SCN3A: variants seen among roughly 807,000 people sequenced by gnomAD.
SCN3A encodes the protein sodium channel protein type 3 subunit alpha.
A neutral mutation model predicts 187.6 loss-of-function variants in SCN3A; 60 were observed. The observed-to-expected ratio is 0.32, with a 90% CI of 0.26 to 0.40. The LOEUF (loss-of-function observed/expected upper bound fraction) is 0.40, where lower values mean the gene tolerates loss of function less well. SCN3A is among the 10% of genes least tolerant of loss of function. SCN3A has a pLI of 1.00. For missense variants in SCN3A, 1,601 were observed against 2,428.2 expected, an observed-to-expected ratio of 0.66 and a Z score of 7.16; for synonymous variants, 788 against 829.2, an observed-to-expected ratio of 0.95 and a Z score of 0.85.
At position 165,127,888 on chromosome 2, in the gene SCN3A, C is replaced by G. The variant is rs866100744; in HGVS notation, c.3136G>C (p.Asp1046His). 1 of 1,614,014 alleles carries G rather than the reference C, an allele frequency of 6.2e-7. No individual in the cohort carries two copies. Among genetic ancestry groups the G allele is most frequent in the African/African-American group, 1.3e-5 (1 of 74,938 alleles). ...VIEIHEGNKI[D>H]SCMSNNTGIE... ...CCAGTATTATTGGACATGCAGCTGT[C>G]TATCTTATTGCCTTCATGGATTTCT... Residue 1046 changes from aspartate to histidine, a missense_variant, in exon 18 of 28, where the codon GAC becomes CAC. This residue lies in a region of SCN3A where 267 missense variants were observed against 313.2 expected (regional missense o/e 0.85). Transcript: ENST00000283254.
intron 20 of SCN3A, among the ~76,000 whole-genome samples, chr2:165,113,492 A>G (rs560811874): frequency 4.6e-5 from 7 of 152,328 alleles, no homozygotes; most frequent in East Asian, 1.9e-4. Context: ...CTTTTAGTCC[A>G]TAAATGTTAA....
intron 14 of SCN3A, among the ~76,000 whole-genome samples, chr2:165,138,497 T>C (rs1271099223): frequency 6.6e-6 from 1 of 152,200 alleles, no homozygotes; most frequent in East Asian, 1.9e-4. Flanking sequence ...TTAAAAACAT[T>C]GTCTAAAGTT....
chr2:165,128,223 C>T, intron 17 of SCN3A, 122 bp from the exon 18 acceptor site: 1 of 800,786 alleles, frequency 1.2e-6, no homozygotes, highest in Non-Finnish European at 1.9e-6. Context: ...TGAATGCTTA[C>T]TATATTTCAG....
At chr2:165,195,860 C>G (rs1691916388) in intron 1 of SCN3A, among the ~76,000 whole-genome samples, 1 of 152,102 alleles carries the variant, frequency 6.6e-6, no homozygotes, top group Non-Finnish European at 1.5e-5. Flanking sequence ...AAATCTGCAT[C>G]TTGATTTGGA....
chr2:165,182,263 A>G (rs1690926534), intron 2 of SCN3A, among the ~76,000 whole-genome samples: 1 of 152,194 alleles, frequency 6.6e-6, no homozygotes, highest in African/African-American at 2.4e-5. Context: ...AAAAGAAGAG[A>G]AGTAAAAGAT....
chr2:165,150,226 G>A (rs4667477), intron 11 of SCN3A, among the ~76,000 whole-genome samples: 118,343 of 152,046 alleles, frequency 0.78, 46,606 homozygotes, highest in East Asian at 0.9. Flanking sequence ...TGCCTACACC[G>A]TGACTAGCCC....
At chr2:165,155,057 T>C (rs1242220630) in intron 10 of SCN3A, among the ~76,000 whole-genome samples, 1 of 152,192 alleles carries the variant, frequency 6.6e-6, no homozygotes, top group Non-Finnish European at 1.5e-5. Context: ...CCTCCCCTTC[T>C]AGTCTCAGTT....
chr2:165,128,292 A>G (rs916574546), intron 17 of SCN3A, among the ~76,000 whole-genome samples, 191 bp from the exon 18 acceptor site: 1 of 152,264 alleles, frequency 6.6e-6, no homozygotes, highest in Admixed American at 6.5e-5. Context: ...TAAGGGCAAA[A>G]TGATAAAACA....
chr2:165,132,317 C>T (rs1280667068), intron 15 of SCN3A, among the ~76,000 whole-genome samples: 1 of 152,062 alleles, frequency 6.6e-6, no homozygotes, highest in Non-Finnish European at 1.5e-5. Flanking sequence ...GAGCCTGCAT[C>T]GCCCAGTCAA....
At chr2:165,156,335 T>C (rs908695648) in intron 9 of SCN3A, among the ~76,000 whole-genome samples, 1 of 148,056 alleles carries the variant, frequency 6.8e-6, no homozygotes, top group Non-Finnish European at 1.5e-5. Context: ...TGAAACTCCA[T>C]CTCTACTAAA....
chr2:165,198,392 C>T (rs1213987667), intron 1 of SCN3A, among the ~76,000 whole-genome samples: 2 of 151,888 alleles, frequency 1.3e-5, no homozygotes, highest in Non-Finnish European at 2.9e-5. Flanking sequence ...GGTTTATTTT[C>T]CCCAACTGGC....
At chr2:165,162,264 TCGCAAA>T in intron 9 of SCN3A, 38 bp downstream of exon 9, 1 of 1,548,208 alleles carries the variant, frequency 6.5e-7, no homozygotes. Flanking sequence ...CTTTTTTTTT[TCGCAAA>T]GAGTTCTATA....
intron 12 of SCN3A, among the ~76,000 whole-genome samples, chr2:165,146,346 T>C (rs1688317946): frequency 6.6e-6 from 1 of 151,214 alleles, no homozygotes; most frequent in African/African-American, 2.4e-5. Context: ...AAAACTCTCA[T>C]TGAAAAGTCT....
chr2:165,102,263 T>G (rs1685642516), intron 21 of SCN3A, among the ~76,000 whole-genome samples: 1 of 152,186 alleles, frequency 6.6e-6, no homozygotes, highest in South Asian at 2.1e-4. Context: ...GTAATACCAG[T>G]GCTTTGGGAG....
At chr2:165,186,234 C>A (rs1363219342) in intron 2 of SCN3A, among the ~76,000 whole-genome samples, 1 of 151,968 alleles carries the variant, frequency 6.6e-6, no homozygotes, top group Non-Finnish European at 1.5e-5. Context: ...CATGCCACTG[C>A]ACTCCAGCCT....
At chr2:165,172,220 A>G (rs1235399852) in intron 3 of SCN3A, among the ~76,000 whole-genome samples, 1 of 152,156 alleles carries the variant, frequency 6.6e-6, no homozygotes, top group Non-Finnish European at 1.5e-5. Flanking sequence ...GTTTAAGACC[A>G]TCAAGCCAAC....
intron 1 of SCN3A, among the ~76,000 whole-genome samples, chr2:165,190,676 C>T (rs1559279798): frequency 1.3e-5 from 2 of 149,710 alleles, no homozygotes; most frequent in Non-Finnish European, 3.0e-5. Context: ...TCAAGTTCCT[C>T]TATGTGATTT....
At position 165,090,381 on chromosome 2, in the gene SCN3A, T is replaced by C. The variant is rs751209793; in HGVS notation, c.5772A>G (p.Ser1924=). The change falls in exon 28 of 28, where the codon TCA becomes TCG. Residue 1924 remains serine, a synonymous_variant. Coordinates refer to ENST00000283254, the MANE Select transcript of SCN3A (RefSeq NM_006922.4). The surrounding 1 kb of genome is among the most constrained non-coding windows in gnomAD (Gnocchi z 4.0). ...YLLKQRLKNI[S]SNYNKEAIKG... ...TAATTGCCTCTTTGTTATAGTTACT[T>C]GATATATTTTTTAACCTTTGCTTTA... 4 of 1,612,972 alleles carry C rather than the reference T, an allele frequency of 2.5e-6. No individual in the cohort carries two copies. Among genetic ancestry groups the C allele is most frequent in the Non-Finnish European group, 8.5e-7 (1 of 1,179,042 alleles).
Position 165,097,535 on chromosome 2 carries a change from C to G in SCN3A, c.3967-11G>C, listed in dbSNP as rs766971678. ...AGCATTCACAACCACCTAGAAGAGA[C>G]AGCGAGGGGAACATAGCTTACAAAC... On this transcript the variant is annotated splice_polypyrimidine_tract_variant and intron_variant, in intron 22 of 27. Coordinates refer to ENST00000283254, the MANE Select transcript of SCN3A (RefSeq NM_006922.4). 1 of 1,613,166 alleles carries G rather than the reference C, an allele frequency of 6.2e-7. No individual in the cohort carries two copies. Among genetic ancestry groups the G allele is most frequent in the Non-Finnish European group, 8.5e-7 (1 of 1,179,930 alleles).
Sources: allele counts gnomAD v4.1 joint callset (sites outside exome capture counted in the v4.1 genomes callset), GRCh38; gene constraint gnomAD v4.1.1; regional missense constraint gnomAD v4.1.1; non-coding constraint Gnocchi (gnomAD v3.1); transcripts MANE v1.5; gene names NCBI Gene and HGNC (gene_info 2026-07-23, HGNC 2026-07-21).